Variants in CHCHD5 observed in about 807,000 individuals in gnomAD.
The protein encoded by CHCHD5 is coiled-coil-helix-coiled-coil-helix domain containing 5.
Under a neutral mutation model 16.0 loss-of-function variants are expected in CHCHD5, and 10 were observed. The ratio of observed to expected loss-of-function variants is 0.63; its 90% CI spans 0.39 to 1.06. CHCHD5 has a LOEUF of 1.06. Ranked by LOEUF, CHCHD5 falls within the 50% of genes least tolerant of loss-of-function variation. The pLI is 0.01. For missense variants in CHCHD5, 163 were observed against 153.4 expected (o/e 1.06, Z -0.33); for synonymous variants, 55 against 56.3 (o/e 0.98, Z 0.10).
chr2:112,586,626 C>A, intron 3 of CHCHD5: 1 of 1,472,776 alleles, frequency 6.8e-7, no homozygotes, highest in South Asian at 1.4e-5. Flanking sequence ...TCTTTTCTTG[C>A]CTCCATAAAG....
At chr2:112,584,591 T>C (rs1685144495), upstream of CHCHD5, 4 of 1,611,180 alleles carry the variant, frequency 2.5e-6, no homozygotes, top group African/African-American at 5.3e-5. Flanking sequence ...TGACAACCGA[T>C]ACCGGAAAAG....
chr2:112,586,081 T>C lies in CHCHD5; in HGVS notation c.110T>C (p.Leu37Pro). The C allele has an allele frequency of 6.2e-7, 1 of 1,614,152 alleles. No individual in the cohort carries two copies. Among genetic ancestry groups the C allele is most frequent in the Non-Finnish European group, 8.5e-7 (1 of 1,180,012 alleles). Residue 37 changes from leucine to proline, a missense_variant, in exon 2 of 4, where the codon CTT becomes CCT. Physicochemically the swap from Leu to Pro is moderately conservative, Grantham distance 98. Transcript: ENST00000324913. Reference protein sequence around the residue: ...PESWQRDCHYLKMSIAQCTSS... With the variant: ...PESWQRDCHYPKMSIAQCTSS... ...TCCTGGCAGCGGGACTGTCACTACC[T>C]TAAGATGAGCATTGCCCAGTGCACA...
chr2:112,586,444 T>C, intron 3 of CHCHD5, 79 bp downstream of exon 3: 2 of 1,598,018 alleles, frequency 1.3e-6, no homozygotes, highest in Non-Finnish European at 1.7e-6. Context: ...GGTAAAGACT[T>C]TGGAGTCATC....
chr2:112,584,961 A>AATGATAC, intron 1 of CHCHD5: 1 of 497,084 alleles, frequency 2.0e-6, no homozygotes, highest in South Asian at 2.7e-5. Context: ...AGACTTATTT[A>AATGATAC]GGGACCTCTA....
chr2:112,584,671 C>G lies in CHCHD5; in HGVS notation c.2+22C>G, dbSNP rs1341727281. 6 of 1,613,696 alleles carry G rather than the reference C, an allele frequency of 3.7e-6. No homozygotes were observed. In the African/African-American group the frequency reaches 6.7e-5, roughly 18 times the overall value. On this transcript the variant is annotated intron_variant, in intron 1 of 3. Transcript: ENST00000324913. ...AGATGTGAGTAGTGAGAGCGCCTAC[C>G]CCATACGTGCTGCCGCTCCCCTTCT...
intron 1 of CHCHD5, 130 bp from the exon 2 acceptor site, chr2:112,585,844 G>A: frequency 9.8e-7 from 1 of 1,017,958 alleles, no homozygotes; most frequent in Non-Finnish European, 1.4e-6. Context: ...GCTACAGTGA[G>A]CTATGATCGT....
intron 1 of CHCHD5, 136 bp downstream of exon 1, chr2:112,584,785 G>A (rs1018003119): frequency 1.8e-6 from 2 of 1,091,102 alleles, no homozygotes; most frequent in Non-Finnish European, 2.7e-6. Context: ...AGGATTCAGC[G>A]CCTTCGCTCA....
chr2:112,585,949 A>G, intron 1 of CHCHD5, 25 bp from the exon 2 acceptor site: 1 of 1,605,860 alleles, frequency 6.2e-7, no homozygotes, highest in Non-Finnish European at 8.5e-7. Context: ...GCCTGGAATG[A>G]TCCTCAGCCC....
At chr2:112,586,531 T>G in intron 3 of CHCHD5, 166 bp downstream of exon 3, 3 of 1,544,966 alleles carry the variant, frequency 1.9e-6, no homozygotes, top group African/African-American at 2.7e-5. Context: ...TTGCCCCATA[T>G]AGCCCCTGCT....
At chr2:112,585,852 C>G in intron 1 of CHCHD5, 122 bp from the exon 2 acceptor site, 1 of 1,092,840 alleles carries the variant, frequency 9.2e-7, no homozygotes, top group Non-Finnish European at 1.3e-6. Context: ...GAGCTATGAT[C>G]GTGCCACTGC....
At chr2:112,585,127 G>T (rs1685169288) in intron 1 of CHCHD5, among the ~76,000 whole-genome samples, 1 of 152,136 alleles carries the variant, frequency 6.6e-6, no homozygotes, top group Non-Finnish European at 1.5e-5. Flanking sequence ...AGGATTCCCA[G>T]AGCACCAACC....
intron 1 of CHCHD5, chr2:112,584,919 G>C (rs1284570198): frequency 1.8e-6 from 1 of 551,218 alleles, no homozygotes; most frequent in East Asian, 2.9e-5. Flanking sequence ...AGTACCCCAG[G>C]TCCGGCCTTC....
chr2:112,588,681 C>T (rs1313728829), intron 3 of CHCHD5, 185 bp from the exon 4 acceptor site: 1 of 568,042 alleles, frequency 1.8e-6, no homozygotes, highest in African/African-American at 1.9e-5. Context: ...TGGCGCGTTC[C>T]CTGCCTCCCA....
chr2:112,586,750 T>C (rs780318711), intron 3 of CHCHD5: 55 of 707,968 alleles, frequency 7.8e-5, no homozygotes, highest in Admixed American at 2.5e-4. Context: ...TGCTGGGTTC[T>C]CTGTGTTCTT....
At chr2:112,588,383 C>G (rs772400124) in intron 3 of CHCHD5, 1 of 152,806 alleles carries the variant, frequency 6.5e-6, no homozygotes, top group Non-Finnish European at 1.5e-5. Context: ...TCCTTCCTAG[C>G]TAGGGGCAGT....
intron 1 of CHCHD5, among the ~76,000 whole-genome samples, chr2:112,585,760 T>G (rs1256968249): frequency 6.6e-6 from 1 of 152,148 alleles, no homozygotes; most frequent in Non-Finnish European, 1.5e-5. Context: ...TAGCTGGGCA[T>G]GGTGGCTCAT....
chr2:112,586,866 C>T (rs1486952954), intron 3 of CHCHD5: 1 of 368,168 alleles, frequency 2.7e-6, no homozygotes, highest in African/African-American at 2.0e-5. Context: ...AAAAAAAGGT[C>T]ACTCTTTTAA....
rs1056523312 is a variant in CHCHD5 at position 112,584,641 on chromosome 2, T to C, written c.-7T>C. The C allele has an allele frequency of 2.5e-6, 4 of 1,613,806 alleles. No individual in the cohort carries two copies. Among genetic ancestry groups the C allele is most frequent in the Middle Eastern group, 1.6e-4 (1 of 6,080 alleles). ...CCGGACAGCCCTACGCCGGCAAAGGTCTCGAGATGTGAGTAGTGAGAGCGC... is the reference window on the plus strand; with the variant it reads ...CCGGACAGCCCTACGCCGGCAAAGGCCTCGAGATGTGAGTAGTGAGAGCGC... On this transcript the variant is annotated 5_prime_UTR_variant, in exon 1 of 4. Transcript: ENST00000324913.
At position 112,586,375 on chromosome 2, in the gene CHCHD5, G is replaced by T; in HGVS notation, c.309+10G>T. 2 of 1,614,188 alleles carry T rather than the reference G, an allele frequency of 1.2e-6. No homozygotes were observed. The highest frequency in any genetic ancestry group is 1.1e-5 in the South Asian group (1 of 91,086). On this transcript the variant is annotated intron_variant, in intron 3 of 3. Transcript: ENST00000324913. ...ACCTGCAACTGTGGAGGTAAGAGGG[G>T]CTCACCTCAGTTCATCTCTTTTCTC...
Sources: gnomAD v4.1 joint callset for allele counts (sites outside exome capture counted in the v4.1 genomes callset) on GRCh38, gnomAD v4.1.1 for gene constraint, MANE v1.5 for transcripts, NCBI Gene and HGNC (gene_info 2026-07-23, HGNC 2026-07-21) for gene names.